Variants in SEC63 observed in about 807,000 individuals in gnomAD.
SEC63 encodes the protein SEC63 protein translocation regulator, also known as translocation protein SEC63 homolog.
A neutral mutation model predicts 116.2 loss-of-function variants in SEC63; 56 were observed. The observed-to-expected ratio is 0.48, with a 90% CI of 0.39 to 0.60. SEC63 has a LOEUF of 0.60. Ranked by LOEUF, SEC63 falls within the 20% of genes least tolerant of loss-of-function variation. The pLI is 0.00. For missense variants in SEC63, 668 were observed against 900.0 expected (o/e 0.74, Z 3.30); for synonymous variants, 273 against 294.6 (o/e 0.93, Z 0.75).
intron 1 of SEC63, among the ~76,000 whole-genome samples, chr6:107,943,062 C>A (rs1276262395): frequency 6.6e-6 from 1 of 152,192 alleles, no homozygotes; most frequent in Non-Finnish European, 1.5e-5. Flanking sequence ...AAGAGAACCT[C>A]AAGAGATCAC....
At chr6:107,903,499 G>A (rs138750742) in intron 11 of SEC63, among the ~76,000 whole-genome samples, 1 of 152,196 alleles carries the variant, frequency 6.6e-6, no homozygotes, top group East Asian at 1.9e-4. Flanking sequence ...CCAGGAGTTG[G>A]AAACCAGACC....
rs752266337 is a variant in SEC63 at position 107,901,388 on chromosome 6, T to C, written c.1339A>G (p.Met447Val). The C allele has an allele frequency of 6.8e-6, 11 of 1,613,088 alleles. No individual in the cohort carries two copies. The highest frequency in any genetic ancestry group is 2.2e-5 in the South Asian group (2 of 91,054). The change falls in exon 13 of 21, where the codon ATG becomes GTG. Residue 447 changes from methionine (M) to valine (V), a missense_variant. Met to Val is a conservative substitution (Grantham distance 21, BLOSUM62 1). Transcript: ENST00000369002. ...CACTTACCCTGTGATTTTATATCCA[T>C]GGTCACATATGGAAAACTCCCAAGG... is the stretch of plus-strand genomic sequence containing the variant. Reference protein sequence around the residue: ...AVLGSFPYVTMDIKSQVLDDE... With the variant: ...AVLGSFPYVTVDIKSQVLDDE...
chr6:107,934,698 C>T (rs1289981957), intron 1 of SEC63, among the ~76,000 whole-genome samples: 10 of 44,548 alleles, frequency 2.2e-4, no homozygotes, highest in South Asian at 1.0e-3. Flanking sequence ...CCCGGCCAGC[C>T]GCCCCGTCCG....
At chr6:107,909,116 C>G in intron 7 of SEC63, 81 bp from the exon 8 acceptor site, 1 of 995,746 alleles carries the variant, frequency 1.0e-6, no homozygotes, top group Non-Finnish European at 1.5e-6. Context: ...TCCTGTAATC[C>G]CAGCACTTTG....
At position 107,906,521 on chromosome 6, in the gene SEC63, T is replaced by A; in HGVS notation, c.888A>T (p.Pro296=). 1 of 1,613,812 alleles carries A rather than the reference T, an allele frequency of 6.2e-7. No individual in the cohort carries two copies. The highest frequency in any genetic ancestry group is 8.5e-7 in the Non-Finnish European group (1 of 1,179,674). Residue 296 remains proline, a synonymous_variant, in exon 10 of 21, where the codon CCA becomes CCT. Coordinates refer to ENST00000369002, the MANE Select transcript of SEC63 (RefSeq NM_007214.5). ...AAAGAACTCTGGCCTTCAGGCTATA[T>A]GGGCAGGTAAGTGGAGGCTCATTCT... is the stretch of plus-strand genomic sequence containing the variant. ...LKKNEPPLTC[P]YSLKARVLLL...
At chr6:107,905,663 T>G (rs1787132822) in intron 10 of SEC63, among the ~76,000 whole-genome samples, 1 of 152,220 alleles carries the variant, frequency 6.6e-6, no homozygotes, top group African/African-American at 2.4e-5. Flanking sequence ...GTAACCACTG[T>G]CGGAGGAAGC....
intron 16 of SEC63, among the ~76,000 whole-genome samples, chr6:107,887,988 T>C (rs939757721): frequency 1.3e-5 from 2 of 152,234 alleles, no homozygotes; most frequent in Admixed American, 6.5e-5. Context: ...CTGTTTTGGT[T>C]ACTGTAGCCT....
chr6:107,905,886 G>C (rs1787137736), intron 10 of SEC63, among the ~76,000 whole-genome samples: 1 of 152,160 alleles, frequency 6.6e-6, no homozygotes, highest in South Asian at 2.1e-4. Flanking sequence ...AACCATTTGT[G>C]AAGTAATTAT....
intron 13 of SEC63, among the ~76,000 whole-genome samples, chr6:107,900,165 T>G (rs6912964): frequency 0.093 from 13,978 of 149,792 alleles, 2,117 homozygotes; most frequent in African/African-American, 0.32. Flanking sequence ...TGTGTGTGTG[T>G]TTTTTTTTTA....
At chr6:107,901,087 T>G (rs1786989731) in intron 13 of SEC63, among the ~76,000 whole-genome samples, 1 of 152,222 alleles carries the variant, frequency 6.6e-6, no homozygotes, top group Non-Finnish European at 1.5e-5. Context: ...TCTTCATCAT[T>G]CTTTGGAAAG....
intron 19 of SEC63, among the ~76,000 whole-genome samples, chr6:107,873,403 A>G (rs1268222143): frequency 6.6e-6 from 1 of 152,218 alleles, no homozygotes; most frequent in Non-Finnish European, 1.5e-5. Flanking sequence ...AAACTCTTAA[A>G]AAGTTTCTAT....
rs946167789 is a variant in SEC63, at chr6:107,909,141, G to A, written c.625-106C>T. ...CCAGCACTTTGGGAGGCTGAGGTGA[G>A]AGGACTGCTTGAGCCCAGGAGTTTG... On this transcript the variant is annotated intron_variant, in intron 7 of 20. Transcript: ENST00000369002. 6.4e-6 allele frequency: 5 copies of A among 786,978 alleles called. No individual in the cohort carries two copies. In the African/African-American group the frequency reaches 6.9e-5, roughly 11 times the overall value. 48.7% of individuals were successfully genotyped at this position (786,978 alleles called of 1,614,324 possible). A position where few individuals can be genotyped will look rare whatever the true frequency, so the allele number is the denominator to read the frequency against.
At chr6:107,885,846 A>G (rs1346962528) in intron 16 of SEC63, among the ~76,000 whole-genome samples, 2 of 152,004 alleles carry the variant, frequency 1.3e-5, no homozygotes, top group African/African-American at 4.8e-5. Flanking sequence ...ACAGACCTAC[A>G]GTATCATCTG....
rs143354333 is a variant in SEC63 at position 107,888,025 on chromosome 6, G to A, written c.1675-4879C>T. On this transcript the variant is annotated intron_variant, in intron 16 of 20. Coordinates refer to ENST00000369002, the MANE Select transcript of SEC63 (RefSeq NM_007214.5). ...GTAGCACAGTTTGAAGTCAGGTAGC[G>A]TGATGCCTCCAGCTTTGTTCTTTTT... Among the ~76,000 whole-genome samples the A allele has an allele frequency of 4.4e-3, 664 of 152,274 alleles. 2 individuals carry two copies. The highest frequency in any genetic ancestry group is 7.4e-3 in the Non-Finnish European group (500 of 68,012).
chr6:107,953,790 A>G (rs1366566789), intron 1 of SEC63, among the ~76,000 whole-genome samples: 5 of 101,758 alleles, frequency 4.9e-5, no homozygotes, highest in South Asian at 3.2e-4. Flanking sequence ...TCCGGGAGGG[A>G]GGTGGGGGTG....
intron 20 of SEC63, 27 bp downstream of exon 20, chr6:107,872,781 T>G: frequency 7.9e-7 from 1 of 1,268,486 alleles, no homozygotes; most frequent in Non-Finnish European, 1.1e-6. Context: ...AGAAAACTCT[T>G]ATTTATTGAA....
chr6:107,890,767 G>C (rs1056600341), intron 16 of SEC63, among the ~76,000 whole-genome samples: 1 of 152,142 alleles, frequency 6.6e-6, no homozygotes, highest in African/African-American at 2.4e-5. Context: ...AGGCCTGGTG[G>C]TGACAAAATC....
chr6:107,912,609 C>T (rs1668030223), intron 6 of SEC63, 107 bp downstream of exon 6: 1 of 729,078 alleles, frequency 1.4e-6, no homozygotes, highest in South Asian at 1.5e-5. Flanking sequence ...ATGAATGGCA[C>T]ACCAGTATTT....
intron 19 of SEC63, among the ~76,000 whole-genome samples, chr6:107,875,186 T>C (rs1786234514): frequency 2.0e-5 from 3 of 152,148 alleles, no homozygotes; most frequent in African/African-American, 7.2e-5. Context: ...TCTTAAGGGA[T>C]ACATGTCAAG....
Sources: allele counts gnomAD v4.1 joint callset (sites outside exome capture counted in the v4.1 genomes callset), GRCh38; gene constraint gnomAD v4.1.1; transcripts MANE v1.5; gene names NCBI Gene and HGNC (gene_info 2026-07-23, HGNC 2026-07-21).